The following IQCM variants were observed in gnomAD, a reference collection of about 807,000 sequenced individuals.
IQCM encodes IQ domain-containing protein M.
IQCM carries 45 observed loss-of-function variants against 57.6 expected under a neutral mutation model. The observed-to-expected ratio is 0.78, with a 90% confidence interval of 0.62 to 1.00. IQCM has a LOEUF of 1.00. Ranked by LOEUF, IQCM falls within the 50% of genes least tolerant of loss-of-function variation. The pLI, the probability that IQCM is intolerant of heterozygous loss-of-function variation, is 0.00. For synonymous variants in IQCM, 148 were observed against 158.9 expected (o/e 0.93, Z 0.51); for missense variants, 468 against 511.6 (o/e 0.91, Z 0.82).
chr4:149,782,550 A>G (rs1424524445), intron 2 of IQCM, among the ~76,000 whole-genome samples: 1 of 150,876 alleles, frequency 6.6e-6, no homozygotes, highest in Non-Finnish European at 1.5e-5. Flanking sequence ...GCAATGAGCT[A>G]TGATCATGCC....
At chr4:149,631,464 G>T (rs1469112281) in intron 7 of IQCM, among the ~76,000 whole-genome samples, 1 of 152,146 alleles carries the variant, frequency 6.6e-6, no homozygotes, top group Non-Finnish European at 1.5e-5. Context: ...GTCCAGAAAT[G>T]GGAGACTGGG....
intron 2 of IQCM, among the ~76,000 whole-genome samples, chr4:149,777,545 T>A (rs1400744583): frequency 2.0e-5 from 3 of 152,204 alleles, no homozygotes; most frequent in Non-Finnish European, 4.4e-5. Context: ...AAAATAATTT[T>A]CATTTCATTG....
At chr4:149,799,988 A>G (rs1310602959) in intron 2 of IQCM, among the ~76,000 whole-genome samples, 1 of 152,016 alleles carries the variant, frequency 6.6e-6, no homozygotes, top group Non-Finnish European at 1.5e-5. Flanking sequence ...AATACTTCCA[A>G]ACTCATTCCA....
At chr4:149,461,813 A>T (rs573792190) in intron 12 of IQCM, among the ~76,000 whole-genome samples, 42 of 151,944 alleles carry the variant, frequency 2.8e-4, no homozygotes, top group Middle Eastern at 3.4e-3. Flanking sequence ...ATAAAACTAA[A>T]GGAATACTAT....
intron 12 of IQCM, among the ~76,000 whole-genome samples, chr4:149,527,809 T>C (rs958787120): frequency 1.3e-5 from 2 of 152,142 alleles, no homozygotes; most frequent in African/African-American, 4.8e-5. Flanking sequence ...AACACAGCCA[T>C]GCAGCAATAT....
intron 2 of IQCM, among the ~76,000 whole-genome samples, chr4:149,797,292 G>A (rs1216747250): frequency 2.0e-5 from 3 of 152,092 alleles, no homozygotes; most frequent in South Asian, 2.1e-4. Flanking sequence ...GACTGCACCA[G>A]AGTTCTTTAG....
At chr4:149,404,238 C>T (rs1732822439) in intron 13 of IQCM, among the ~76,000 whole-genome samples, 1 of 151,884 alleles carries the variant, frequency 6.6e-6, no homozygotes, top group Non-Finnish European at 1.5e-5. Context: ...AGAGGCAACC[C>T]CAGCTGCCAC....
intron 7 of IQCM, among the ~76,000 whole-genome samples, chr4:149,663,819 G>T (rs1480518871): frequency 6.6e-6 from 1 of 152,050 alleles, no homozygotes; most frequent in Non-Finnish European, 1.5e-5. Flanking sequence ...ATTTTTGCAG[G>T]TTGAATATAA....
chr4:149,687,433 A>G (rs955975591), intron 5 of IQCM, among the ~76,000 whole-genome samples: 1 of 151,632 alleles, frequency 6.6e-6, no homozygotes, highest in African/African-American at 2.4e-5. Flanking sequence ...TAAAAATAAT[A>G]TAAATTTAAA....
chr4:149,593,281 G>T (rs1753396409), intron 8 of IQCM, among the ~76,000 whole-genome samples: 1 of 152,116 alleles, frequency 6.6e-6, no homozygotes, highest in Admixed American at 6.5e-5. Flanking sequence ...GTATAGGAAT[G>T]CTTGTGATTT....
At chr4:149,701,286 GA>G (rs1480463359) in intron 5 of IQCM, among the ~76,000 whole-genome samples, 7 of 151,914 alleles carry the variant, frequency 4.6e-5, no homozygotes, top group African/African-American at 1.7e-4. Flanking sequence ...GTGTTGGGGG[GA>G]AAACAAAAAC....
chr4:149,394,138 C>A (rs532954376), intron 13 of IQCM, among the ~76,000 whole-genome samples: 1 of 151,848 alleles, frequency 6.6e-6, no homozygotes, highest in African/African-American at 2.4e-5. Flanking sequence ...ATTTTGTTTT[C>A]TTTTTGTGAG....
chr4:149,698,556 T>G (rs1580045758), intron 5 of IQCM, among the ~76,000 whole-genome samples: 1 of 152,142 alleles, frequency 6.6e-6, no homozygotes, highest in East Asian at 1.9e-4. Flanking sequence ...AACTTCAATG[T>G]GTGTAGCAAT....
chr4:149,634,792 T>C (rs1485035319), intron 7 of IQCM, among the ~76,000 whole-genome samples: 1 of 152,240 alleles, frequency 6.6e-6, no homozygotes, highest in African/African-American at 2.4e-5. Context: ...TTTTAGGTGA[T>C]GTATTTTGAT....
chr4:149,614,062 T>C (rs1055816689), intron 8 of IQCM, among the ~76,000 whole-genome samples: 7 of 152,206 alleles, frequency 4.6e-5, no homozygotes, highest in Admixed American at 3.3e-4. Flanking sequence ...CCTAAACCTA[T>C]GTTTTTTAAA....
intron 7 of IQCM, among the ~76,000 whole-genome samples, chr4:149,652,347 C>T (rs563533493): frequency 3.8e-4 from 57 of 151,922 alleles, no homozygotes; most frequent in African/African-American, 4.6e-4. Context: ...CTAATGCATG[C>T]GGGGCTTAAA....
chr4:149,561,900 G>A (rs1750159625), intron 10 of IQCM, among the ~76,000 whole-genome samples: 1 of 152,160 alleles, frequency 6.6e-6, no homozygotes, highest in African/African-American at 2.4e-5. Context: ...ATGGACCAGA[G>A]AGGGTGTCTA....
At chr4:149,764,779 C>T (rs151127890) in intron 2 of IQCM, among the ~76,000 whole-genome samples, 1 of 152,202 alleles carries the variant, frequency 6.6e-6, no homozygotes, top group Non-Finnish European at 1.5e-5. Flanking sequence ...GCAAATCCTA[C>T]ATTTCCCTAA....
intron 5 of IQCM, among the ~76,000 whole-genome samples, chr4:149,714,256 C>T (rs901187805): frequency 6.6e-6 from 1 of 152,114 alleles, no homozygotes; most frequent in African/African-American, 2.4e-5. Context: ...TTTTTTCTTC[C>T]TCACTTGCTG....
Sources: gnomAD v4.1 joint callset for allele counts (sites outside exome capture counted in the v4.1 genomes callset) on GRCh38, gnomAD v4.1.1 for gene constraint, MANE v1.5 for transcripts, NCBI Gene and HGNC (gene_info 2026-07-23, HGNC 2026-07-21) for gene names.